BANK1: variants seen among roughly 807,000 people sequenced by gnomAD.
BANK1 encodes the protein B-cell scaffold protein with ankyrin repeats.
BANK1 carries 95 observed loss-of-function variants against 94.5 expected under a neutral mutation model. The observed-to-expected ratio is 1.00, with a 90% CI of 0.85 to 1.19. The LOEUF (loss-of-function observed/expected upper bound fraction) is 1.19. Ranked by LOEUF, BANK1 falls within the 50% of genes most tolerant of loss-of-function variation. BANK1 has a pLI of 0.00. For missense variants in BANK1, 987 were observed against 932.2 expected (o/e 1.06, Z -0.77); for synonymous variants, 334 against 308.4 (o/e 1.08, Z -0.87).
intron 5 of BANK1, among the ~76,000 whole-genome samples, chr4:101,884,163 C>T (rs1728767726): frequency 6.6e-6 from 1 of 152,034 alleles, no homozygotes; most frequent in Non-Finnish European, 1.5e-5. Context: ...AGAATGCTTC[C>T]CCACCAATTC....
intron 13 of BANK1, among the ~76,000 whole-genome samples, chr4:102,066,387 G>A (rs952667762): frequency 1.3e-4 from 20 of 151,212 alleles, no homozygotes; most frequent in Non-Finnish European, 2.8e-4. Context: ...CTCCCGAGTA[G>A]CTGAGACTAC....
At chr4:101,955,224 A>G (rs1180537914) in intron 7 of BANK1, among the ~76,000 whole-genome samples, 1 of 152,186 alleles carries the variant, frequency 6.6e-6, no homozygotes, top group Non-Finnish European at 1.5e-5. Context: ...AAGAGATGAT[A>G]CGGTTAACAT....
chr4:102,025,905 A>G (rs1360705098), intron 9 of BANK1, among the ~76,000 whole-genome samples: 1 of 152,222 alleles, frequency 6.6e-6, no homozygotes, highest in Non-Finnish European at 1.5e-5. Context: ...AGGAAATACA[A>G]CATTGCTTTT....
Position 102,025,657 on chromosome 4 carries a change from G to T in BANK1, c.1594+148G>T, listed in dbSNP as rs895592413. ...TTCTTCCTATTCTTTAAAAACTAAGGCCTGGGAAATGAGGCAAGAGATACC... is the reference window on the plus strand; with the variant it reads ...TTCTTCCTATTCTTTAAAAACTAAGTCCTGGGAAATGAGGCAAGAGATACC... On this transcript the variant is annotated intron_variant, in intron 9 of 16. Coordinates refer to ENST00000322953, the MANE Select transcript of BANK1 (RefSeq NM_017935.5). 4 of 760,658 alleles carry T rather than the reference G, an allele frequency of 5.3e-6. No individual in the cohort carries two copies. In the African/African-American group the frequency reaches 5.3e-5, roughly 10 times the overall value. 47.1% of individuals were successfully genotyped at this position (760,658 alleles called of 1,614,324 possible). A position where few individuals can be genotyped will look rare whatever the true frequency, so the allele number is the denominator to read the frequency against.
chr4:101,899,617 A>G (rs538847011), intron 6 of BANK1, among the ~76,000 whole-genome samples: 76 of 152,292 alleles, frequency 5.0e-4, no homozygotes, highest in African/African-American at 1.7e-3. Context: ...CAAAGATTCT[A>G]TATTTCCCCA....
intron 2 of BANK1, among the ~76,000 whole-genome samples, chr4:101,834,774 A>G (rs2148865291): frequency 6.6e-6 from 1 of 152,324 alleles, no homozygotes; most frequent in South Asian, 2.1e-4. Context: ...CAGGCTATGA[A>G]AAAGAGAATG....
At chr4:101,792,470 T>TGTGTGTG (rs1491125013) in intron 1 of BANK1, among the ~76,000 whole-genome samples, 1 of 41,090 alleles carries the variant, frequency 2.4e-5, no homozygotes, top group Non-Finnish European at 8.7e-5. Flanking sequence ...TGTGTGTGTG[T>TGTGTGTG]TTTTTTTTTT....
chr4:102,050,934 C>A (rs1185098823), intron 11 of BANK1, among the ~76,000 whole-genome samples: 1 of 152,054 alleles, frequency 6.6e-6, no homozygotes, highest in Non-Finnish European at 1.5e-5. Flanking sequence ...GCTTGTAACC[C>A]CTAGTATAGT....
chr4:101,991,724 C>T (rs1049941446), intron 7 of BANK1, among the ~76,000 whole-genome samples: 1 of 151,980 alleles, frequency 6.6e-6, no homozygotes, highest in South Asian at 2.1e-4. Context: ...TATCTGGGGG[C>T]AGTGGGGGTG....
intron 6 of BANK1, among the ~76,000 whole-genome samples, chr4:101,914,486 G>A (rs1339269816): frequency 1.3e-5 from 2 of 151,972 alleles, no homozygotes; most frequent in Non-Finnish European, 2.9e-5. Context: ...AATTAAAAGG[G>A]GCCTCTAGAT....
At chr4:102,039,229 T>C (rs1431816760) in intron 10 of BANK1, among the ~76,000 whole-genome samples, 4 of 152,160 alleles carry the variant, frequency 2.6e-5, no homozygotes, top group African/African-American at 4.8e-5. Context: ...CCCGTTGAAA[T>C]GTAATGGCCT....
chr4:101,806,605 A>G (rs1050866408), intron 1 of BANK1, among the ~76,000 whole-genome samples: 1 of 152,214 alleles, frequency 6.6e-6, no homozygotes, highest in Non-Finnish European at 1.5e-5. Flanking sequence ...TGATACTCAC[A>G]TTAATTATCC....
At chr4:102,073,612 A>ATAT (rs1202367183) in intron 15 of BANK1, 72 bp from the exon 16 acceptor site, 118 of 1,389,810 alleles carry the variant, frequency 8.5e-5, no homozygotes, top group Non-Finnish European at 6.4e-5. Flanking sequence ...TAACTTTGTC[A>ATAT]TATTTCTTTG....
chr4:101,840,114 G>A (rs1274690712), intron 2 of BANK1, among the ~76,000 whole-genome samples: 2 of 146,332 alleles, frequency 1.4e-5, no homozygotes, highest in African/African-American at 2.5e-5. Context: ...GACTACAGGC[G>A]CCCGCCACTA....
intron 4 of BANK1, among the ~76,000 whole-genome samples, chr4:101,868,173 G>T (rs996369976): frequency 1.3e-5 from 2 of 151,880 alleles, no homozygotes; most frequent in South Asian, 4.1e-4. Flanking sequence ...TTTTGCAAAT[G>T]GCATTGAAAG....
intron 3 of BANK1, among the ~76,000 whole-genome samples, chr4:101,860,515 C>T (rs1018854531): frequency 7.9e-5 from 12 of 152,036 alleles, no homozygotes; most frequent in Admixed American, 2.6e-4. Flanking sequence ...ACTGCAACTT[C>T]TGCCTCCCGG....
intron 2 of BANK1, among the ~76,000 whole-genome samples, chr4:101,848,327 C>T (rs1014444792): frequency 6.6e-6 from 1 of 152,154 alleles, no homozygotes; most frequent in Non-Finnish European, 1.5e-5. Context: ...TGCGAGCCCC[C>T]GCTTGCTGCT....
chr4:101,940,142 G>A (rs1311199253), intron 7 of BANK1, among the ~76,000 whole-genome samples: 1 of 151,410 alleles, frequency 6.6e-6, no homozygotes, highest in Non-Finnish European at 1.5e-5. Context: ...ACATGATTAT[G>A]AGATATTTAC....
At chr4:102,042,009 G>C (rs1480493397) in intron 10 of BANK1, among the ~76,000 whole-genome samples, 1 of 151,954 alleles carries the variant, frequency 6.6e-6, no homozygotes, top group Non-Finnish European at 1.5e-5. Flanking sequence ...ATCAATTAAT[G>C]TAATTTTTAT....
Sources: allele counts gnomAD v4.1 joint callset (sites outside exome capture counted in the v4.1 genomes callset), GRCh38; gene constraint gnomAD v4.1.1; transcripts MANE v1.5; gene names NCBI Gene and HGNC (gene_info 2026-07-23, HGNC 2026-07-21).